DMD: variants seen among roughly 807,000 people sequenced by gnomAD.
DMD encodes the protein mutant dystrophin.
In DMD, 63 loss-of-function variants were observed where a neutral mutation model predicts 330.1. The observed-to-expected ratio is 0.19, with a 90% CI of 0.16 to 0.24. The LOEUF is 0.24. DMD is among the 10% of genes least tolerant of loss of function. The probability of loss-of-function intolerance (pLI) is 1.00; values close to 1 mark genes in which losing one functional copy is unlikely to be tolerated. For synonymous variants in DMD, 1,223 were observed against 959.8 expected, an observed-to-expected ratio of 1.27 and a Z score of -5.07; for missense variants, 3,344 against 2,684.1, an observed-to-expected ratio of 1.25 and a Z score of -5.43.
At chrX:32,535,433 G>C (rs1354036501) in intron 17 of DMD, among the ~76,000 whole-genome samples, 1 of 111,845 alleles carries the variant, frequency 8.9e-6, no homozygotes, top group African/African-American at 3.3e-5. Flanking sequence ...CAACTACCTT[G>C]GGTGGCATTT....
chrX:31,223,023 C>A (rs779728246), intron 64 of DMD, 24 bp downstream of exon 64: 1 of 1,187,877 alleles, frequency 8.4e-7, no homozygotes, highest in Non-Finnish European at 1.1e-6. Flanking sequence ...GTATCAAGAT[C>A]TTCAAATACT....
chrX:33,268,241 T>C (rs1308891459), intron 1 of DMD, among the ~76,000 whole-genome samples: 1 of 110,870 alleles, frequency 9.0e-6, no homozygotes. Flanking sequence ...CCACCCACCT[T>C]GGTCTCCCAA....
At chrX:32,534,649 T>A (rs916575686) in intron 17 of DMD, among the ~76,000 whole-genome samples, 3 of 111,307 alleles carry the variant, frequency 2.7e-5, no homozygotes, top group African/African-American at 9.8e-5. Flanking sequence ...TAAGACAACC[T>A]CCTTCTTGCT....
intron 63 of DMD, among the ~76,000 whole-genome samples, chrX:31,229,896 T>C (rs1481769131): frequency 1.8e-5 from 2 of 112,189 alleles, no homozygotes; most frequent in African/African-American, 6.5e-5. Flanking sequence ...TCAAACTCAC[T>C]AGAACAGACA....
At chrX:32,376,619 G>T (rs182187610) in intron 34 of DMD, among the ~76,000 whole-genome samples, 35 of 111,216 alleles carry the variant, frequency 3.1e-4, no homozygotes, top group African/African-American at 1.1e-3. Context: ...TGGCTGCTTT[G>T]GTGGTCACCA....
intron 1 of DMD, among the ~76,000 whole-genome samples, chrX:33,032,032 T>C (rs1309391065): frequency 1.8e-5 from 2 of 111,810 alleles, no homozygotes; most frequent in Non-Finnish European, 3.8e-5. Flanking sequence ...GTAGTTTACA[T>C]TATTTGCTCA....
chrX:32,746,010 G>A (rs2069957330), intron 7 of DMD, among the ~76,000 whole-genome samples: 1 of 111,766 alleles, frequency 8.9e-6, no homozygotes, highest in African/African-American at 3.3e-5. Flanking sequence ...CATCTTTGTG[G>A]AAGTAACTAC....
chrX:31,495,540 A>AAAAC (rs749668028), intron 57 of DMD, among the ~76,000 whole-genome samples: 1 of 112,236 alleles, frequency 8.9e-6, no homozygotes, highest in African/African-American at 3.2e-5. Flanking sequence ...AAATAAAAAT[A>AAAAC]AAACAAACAA....
chrX:31,417,683 T>TATC (rs2061944217), intron 60 of DMD, among the ~76,000 whole-genome samples: 2 of 110,045 alleles, frequency 1.8e-5, no homozygotes, highest in African/African-American at 6.6e-5. Context: ...GCAAATATAT[T>TATC]ATCACTTCTT....
intron 1 of DMD, among the ~76,000 whole-genome samples, chrX:33,273,101 A>T (rs189525285): frequency 9.0e-6 from 1 of 111,721 alleles, no homozygotes; most frequent in East Asian, 2.8e-4. Flanking sequence ...TGTGCAATAC[A>T]GCAATAAAGG....
In DMD at chrX:31,478,366, G is replaced by A. The variant is rs756160145; in HGVS notation, c.8677C>T (p.Pro2893Ser). Residue 2893 changes from proline (P) to serine (S), a missense_variant, in exon 59 of 79, where the codon CCT becomes TCT. By Grantham distance (74) the Pro-to-Ser change is moderately conservative (BLOSUM62 -1). Coordinates refer to ENST00000357033, the MANE Select transcript of DMD (RefSeq NM_004006.3). ...GTGACATTCTGGGCTCTCTCCTCAG[G>A]AGGCAGCTCTAAATTGGCAATATGA... ...KLYQEPRELP[P>S]EERAQNVTRL... is the part of the protein sequence containing the mutation. 4.5e-5 allele frequency: 54 copies of A among 1,209,835 alleles called. No homozygotes were observed. The highest frequency in any genetic ancestry group is 6.0e-5 in the Non-Finnish European group (54 of 895,327).
intron 55 of DMD, among the ~76,000 whole-genome samples, chrX:31,511,180 G>A (rs185829950): frequency 1.9e-4 from 21 of 109,101 alleles, no homozygotes; most frequent in African/African-American, 6.7e-4. Context: ...GTATCAATAA[G>A]GCAGCATGAG....
intron 2 of DMD, among the ~76,000 whole-genome samples, chrX:33,009,856 GTGTATATGTGTGTATA>G (rs1246963718): frequency 8.3e-5 from 3 of 36,020 alleles, no homozygotes; most frequent in Non-Finnish European, 1.1e-4. Context: ...ACACACATAT[GTGTATATGTGTGTATA>G]TGTGTATATA....
chrX:31,262,683 T>C (rs192886269), intron 62 of DMD, among the ~76,000 whole-genome samples: 64 of 112,615 alleles, frequency 5.7e-4, no homozygotes, highest in African/African-American at 1.8e-3. Flanking sequence ...CAGAGTGACA[T>C]TCAAGTCTTA....
chrX:32,376,356 T>G (rs2097902967), intron 34 of DMD, among the ~76,000 whole-genome samples: 1 of 111,792 alleles, frequency 8.9e-6, no homozygotes, highest in Admixed American at 9.5e-5. Context: ...ATCTCAATGC[T>G]AGTAGTACCT....
At chrX:31,741,926 T>C (rs1369867559) in intron 51 of DMD, among the ~76,000 whole-genome samples, 3 of 111,982 alleles carry the variant, frequency 2.7e-5, no homozygotes, top group Non-Finnish European at 5.6e-5. Context: ...AACTTAGATG[T>C]TAGTTTGATC....
chrX:32,960,750 C>T (rs917974836), intron 2 of DMD, among the ~76,000 whole-genome samples: 3 of 110,478 alleles, frequency 2.7e-5, no homozygotes, highest in African/African-American at 9.9e-5. Flanking sequence ...ATTAAACTGA[C>T]GTCCACTTTT....
At chrX:32,852,557 CCA>C (rs769570268) in intron 2 of DMD, among the ~76,000 whole-genome samples, 8 of 111,277 alleles carry the variant, frequency 7.2e-5, no homozygotes, top group African/African-American at 2.3e-4. Flanking sequence ...ACTAGCTCAA[CCA>C]CAGTCAGGTA....
chrX:31,600,805 T>G (rs1383837048), intron 55 of DMD, among the ~76,000 whole-genome samples: 2 of 108,899 alleles, frequency 1.8e-5, no homozygotes, highest in East Asian at 2.9e-4. Context: ...GCATGATGTT[T>G]TTTTTTTTTT....
Sources: allele counts gnomAD v4.1 joint callset (sites outside exome capture counted in the v4.1 genomes callset), GRCh38; gene constraint gnomAD v4.1.1; transcripts MANE v1.5; gene names NCBI Gene and HGNC (gene_info 2026-07-23, HGNC 2026-07-21).